The following KYNU variants were observed in gnomAD, a reference collection of about 807,000 sequenced individuals.
KYNU encodes kynureninase.
Under a neutral mutation model 59.2 loss-of-function variants are expected in KYNU, and 54 were observed. The observed-to-expected ratio is 0.91, with a 90% CI of 0.73 to 1.14. The LOEUF is 1.14. KYNU is among the 50% of genes most tolerant of loss of function. KYNU has a pLI of 0.00. For missense variants in KYNU, 567 were observed against 554.4 expected (o/e 1.02, Z -0.23); for synonymous variants, 177 against 192.0 (o/e 0.92, Z 0.65).
chr2:142,952,935 A>G (rs555799029), intron 4 of KYNU, among the ~76,000 whole-genome samples: 2 of 151,742 alleles, frequency 1.3e-5, no homozygotes, highest in Admixed American at 6.6e-5. Context: ...TTTTTTTTAA[A>G]TAAATGGTTT....
Position 143,040,513 on chromosome 2 carries a change from A to G in KYNU, c.1127A>G (p.Tyr376Cys). 6.2e-6 allele frequency: 10 copies of G among 1,613,334 alleles called. No homozygotes were observed. The Middle Eastern group carries it at 6.6e-4, about 106-fold the overall frequency. The change falls in exon 13 of 14, where the codon TAT becomes TGT. Residue 376 changes from tyrosine to cysteine, a missense_variant. By Grantham distance (194) the Tyr-to-Cys change is radical (BLOSUM62 -2). Coordinates refer to ENST00000264170, the MANE Select transcript of KYNU (RefSeq NM_003937.3). ...CTGGAATACCTGATCAAGCATAACT[A>G]TGGCAAAGATAAAGCAGCAACCAAG... ...GYLEYLIKHN[Y>C]GKDKAATKKP...
At chr2:142,920,079 T>G (rs1269168751) in intron 3 of KYNU, among the ~76,000 whole-genome samples, 3 of 152,016 alleles carry the variant, frequency 2.0e-5, no homozygotes, top group Non-Finnish European at 4.4e-5. Context: ...AATAAATAAA[T>G]AATGTTTAGC....
rs1687269120 is a variant in KYNU, at chr2:143,051,689, C to A, written c.*9517C>A. On this transcript the variant is annotated 3_prime_UTR_variant, in exon 14 of 14. Coordinates refer to ENST00000264170, the MANE Select transcript of KYNU (RefSeq NM_003937.3). The stretch of plus-strand genomic sequence containing the variant: ...GCAAAGGCTCTTGTCCTGTCTGTGC[C>A]ATTTGAGACATGCCTTTCAACTTCT... The A allele has an allele frequency of 6.6e-6, 1 of 152,098 alleles. No homozygotes were observed. Among genetic ancestry groups the A allele is most frequent in the Admixed American group, 6.6e-5 (1 of 15,252 alleles). The allele number at this position is 152,098 out of a possible 1,614,324, so 9.4% of individuals were successfully genotyped here.
At chr2:142,905,154 A>G (rs1025299430) in intron 2 of KYNU, among the ~76,000 whole-genome samples, 1 of 152,168 alleles carries the variant, frequency 6.6e-6, no homozygotes, top group African/African-American at 2.4e-5. Flanking sequence ...TGCCCTAAAT[A>G]TTGATATTAA....
intron 11 of KYNU, 75 bp from the exon 12 acceptor site, chr2:143,033,161 C>T: frequency 1.0e-6 from 1 of 997,886 alleles, no homozygotes; most frequent in Non-Finnish European, 1.6e-6. Context: ...CTCTTTTACT[C>T]TCCAGTACTC....
chr2:142,883,187 T>C (rs13034741), intron 1 of KYNU, among the ~76,000 whole-genome samples: 1 of 28,434 alleles, frequency 3.5e-5, no homozygotes, highest in East Asian at 1.0e-3. Flanking sequence ...CCCAAATTTC[T>C]TTTTTTTTTT....
At chr2:142,920,876 C>T (rs1682857028) in intron 3 of KYNU, among the ~76,000 whole-genome samples, 1 of 152,168 alleles carries the variant, frequency 6.6e-6, no homozygotes, top group Non-Finnish European at 1.5e-5. Flanking sequence ...CTTTTTCCTA[C>T]CTCACCCATC....
intron 10 of KYNU, among the ~76,000 whole-genome samples, chr2:143,006,965 A>C (rs1027096118): frequency 6.6e-6 from 1 of 151,732 alleles, no homozygotes; most frequent in Non-Finnish European, 1.5e-5. Flanking sequence ...GAAAAAACAG[A>C]ACAGAAAAAC....
At chr2:142,920,137 A>T (rs577037782) in intron 3 of KYNU, among the ~76,000 whole-genome samples, 15 of 152,326 alleles carry the variant, frequency 9.8e-5, no homozygotes, top group Middle Eastern at 6.8e-3. Context: ...TAACACTGTG[A>T]AGTTCTTAAT....
At position 142,906,460 on chromosome 2, in the gene KYNU, G is replaced by A. The variant is rs149769028; in HGVS notation, c.170-12149G>A. Reference sequence around the variant, plus strand: ...GGGCCTGGCAAGAGTGGTGGAGAACGGGTCCCACATAACTGCCCATGTCAA... The same window carrying A: ...GGGCCTGGCAAGAGTGGTGGAGAACAGGTCCCACATAACTGCCCATGTCAA... On this transcript the variant is annotated intron_variant, in intron 2 of 13. Coordinates refer to ENST00000264170, the MANE Select transcript of KYNU (RefSeq NM_003937.3). 4.0e-3 allele frequency among the ~76,000 whole-genome samples: 606 copies of A among 152,224 alleles called. 1 individual carries two copies. The highest frequency in any genetic ancestry group is 0.013 in the African/African-American group (540 of 41,532).
At chr2:142,933,944 C>T (rs1683304977) in intron 4 of KYNU, among the ~76,000 whole-genome samples, 1 of 152,072 alleles carries the variant, frequency 6.6e-6, no homozygotes, top group Non-Finnish European at 1.5e-5. Context: ...GAAAAAAAAG[C>T]ATCTTTTAGG....
At chr2:142,886,188 C>T (rs1681505425) in intron 2 of KYNU, among the ~76,000 whole-genome samples, 1 of 152,150 alleles carries the variant, frequency 6.6e-6, no homozygotes, top group African/African-American at 2.4e-5. Flanking sequence ...TAGCTTTACT[C>T]CATTTTACAT....
chr2:142,946,983 C>T, intron 4 of KYNU: 2 of 1,450,762 alleles, frequency 1.4e-6, no homozygotes. Context: ...TTTCAAATAG[C>T]CAACTTGAGA....
chr2:142,895,339 C>T (rs910483270), intron 2 of KYNU, among the ~76,000 whole-genome samples: 2 of 152,148 alleles, frequency 1.3e-5, no homozygotes, highest in African/African-American at 2.4e-5. Flanking sequence ...TATTTTATAT[C>T]CCCATTGTCT....
chr2:142,989,394 C>T (rs920950965), intron 10 of KYNU: 91 of 990,172 alleles, frequency 9.2e-5, no homozygotes, highest in Middle Eastern at 1.0e-3. Context: ...AGTATGTAGC[C>T]GAGAACCATA....
chr2:142,889,417 G>A lies in KYNU; in HGVS notation c.169+3881G>A, dbSNP rs140694749. Among the ~76,000 whole-genome samples the A allele has an allele frequency of 7.7e-3, 1,177 of 152,152 alleles. 11 individuals carry two copies. Among genetic ancestry groups the A allele is most frequent in the Middle Eastern group, 0.02 (6 of 294 alleles). ...ACACCTGTCATATGAAAGTCTATCC[G>A]GGAGAAGGGAAAAGGTCAGTGCGTG... is the stretch of plus-strand genomic sequence containing the variant. On this transcript the variant is annotated intron_variant, in intron 2 of 13. Transcript: ENST00000264170.
At chr2:142,920,614 G>T (rs1182797218) in intron 3 of KYNU, among the ~76,000 whole-genome samples, 1 of 152,164 alleles carries the variant, frequency 6.6e-6, no homozygotes, top group Non-Finnish European at 1.5e-5. Context: ...ACCTTGTGAT[G>T]ATGGAAAATT....
At chr2:142,897,919 T>C (rs1262062169) in intron 2 of KYNU, among the ~76,000 whole-genome samples, 2 of 152,306 alleles carry the variant, frequency 1.3e-5, no homozygotes, top group East Asian at 3.9e-4. Context: ...TTTATTTATT[T>C]GAGACAGGAT....
chr2:143,014,711 A>G (rs1558976147), intron 10 of KYNU, among the ~76,000 whole-genome samples: 1 of 152,238 alleles, frequency 6.6e-6, no homozygotes, highest in Non-Finnish European at 1.5e-5. Flanking sequence ...CCATTTATAA[A>G]TGATGAGCAA....
Sources: gnomAD v4.1 joint callset for allele counts (sites outside exome capture counted in the v4.1 genomes callset) on GRCh38, gnomAD v4.1.1 for gene constraint, MANE v1.5 for transcripts, NCBI Gene and HGNC (gene_info 2026-07-23, HGNC 2026-07-21) for gene names.